Variants in TNFRSF11B observed in about 807,000 individuals in gnomAD.
TNFRSF11B encodes the protein TNF receptor superfamily member 11b.
Under a neutral mutation model 43.4 loss-of-function variants are expected in TNFRSF11B, and 16 were observed. The observed-to-expected ratio is 0.37, with a 90% CI of 0.25 to 0.56. The LOEUF (loss-of-function observed/expected upper bound fraction) is 0.56. Ranked by LOEUF, TNFRSF11B falls within the 20% of genes least tolerant of loss-of-function variation. The probability of loss-of-function intolerance (pLI) is 0.80; values close to 1 mark genes in which losing one functional copy is unlikely to be tolerated. For missense variants in TNFRSF11B, 444 were observed against 490.1 expected (o/e 0.91, Z 0.89); for synonymous variants, 185 against 181.8 (o/e 1.02, Z -0.14).
chr8:118,951,880 G>A lies in TNFRSF11B; in HGVS notation c.-59C>T. The stretch of plus-strand genomic sequence containing the variant: ...GGCGGCTGGGCGAGCGCTCCGGTGC[G>A]TCTCCGCAGCCCGTGCGCTCATCAC... On this transcript the variant is annotated 5_prime_UTR_variant, in exon 1 of 5. The change creates a new upstream start codon in the 5' untranslated region. Coordinates refer to ENST00000297350, the MANE Select transcript of TNFRSF11B (RefSeq NM_002546.4). 1.4e-6 allele frequency: 2 copies of A among 1,477,708 alleles called. No individual in the cohort carries two copies. The highest frequency in any genetic ancestry group is 1.9e-6 in the Non-Finnish European group (2 of 1,078,058). 91.5% of individuals were successfully genotyped at this position (1,477,708 alleles called of 1,614,324 possible). A position where few individuals can be genotyped will look rare whatever the true frequency, so the allele number is the denominator to read the frequency against.
At chr8:118,926,823 A>G in intron 3 of TNFRSF11B, 105 bp from the exon 4 acceptor site, 1 of 1,139,966 alleles carries the variant, frequency 8.8e-7, no homozygotes, top group Non-Finnish European at 1.3e-6. Context: ...GAATTTTCCA[A>G]GATAAAATAT....
chr8:118,928,996 C>G (rs1812288539), intron 2 of TNFRSF11B, 67 bp from the exon 3 acceptor site: 3 of 1,468,870 alleles, frequency 2.0e-6, no homozygotes, highest in Non-Finnish European at 2.9e-6. Flanking sequence ...GCCCTCTTAA[C>G]ACAGTTTTGG....
intron 2 of TNFRSF11B, among the ~76,000 whole-genome samples, chr8:118,931,043 T>A (rs1812321270): frequency 6.6e-6 from 1 of 152,226 alleles, no homozygotes; most frequent in Non-Finnish European, 1.5e-5. Flanking sequence ...GAAATTATAA[T>A]GATGGAGAAA....
rs531660121 is a variant in TNFRSF11B at position 118,933,136 on chromosome 8, G to A, written c.195C>T (p.Cys65=). The A allele has an allele frequency of 6.2e-6, 10 of 1,614,194 alleles. 1 individual carries two copies. The South Asian group carries it at 9.9e-5, about 16-fold the overall frequency. ...TAKWKTVCAP[C]PDHYYTDSWH... ...AGCTGTCTGTGTAGTAGTGGTCAGG[G>A]CAAGGGGCGCACACGGTCTTCCACT... The change falls in exon 2 of 5, where the codon TGC becomes TGT. Residue 65 remains cysteine, a synonymous_variant. Coordinates refer to ENST00000297350, the MANE Select transcript of TNFRSF11B (RefSeq NM_002546.4).
chr8:118,951,331 A>G (rs1453376592), intron 1 of TNFRSF11B, among the ~76,000 whole-genome samples: 4 of 152,236 alleles, frequency 2.6e-5, no homozygotes, highest in African/African-American at 4.8e-5. Context: ...CTATCATGTC[A>G]TATTCTAATT....
At chr8:118,931,392 T>G (rs1812326123) in intron 2 of TNFRSF11B, among the ~76,000 whole-genome samples, 1 of 152,218 alleles carries the variant, frequency 6.6e-6, no homozygotes, top group South Asian at 2.1e-4. Flanking sequence ...AAACAGATTT[T>G]CTTACTTATT....
Position 118,951,865 on chromosome 8 carries a change from C to A in TNFRSF11B, c.-44G>T, listed in dbSNP as rs980254741. 5 of 1,553,876 alleles carry A rather than the reference C, an allele frequency of 3.2e-6. No individual in the cohort carries two copies. The Admixed American group carries it at 9.4e-5, about 29-fold the overall frequency. On this transcript the variant is annotated 5_prime_UTR_variant, in exon 1 of 5. Transcript: ENST00000297350. ...CAGGGGCTTGGAGGCGGCGGCTGGGCGAGCGCTCCGGTGCGTCTCCGCAGC... is the reference window on the plus strand; with the variant it reads ...CAGGGGCTTGGAGGCGGCGGCTGGGAGAGCGCTCCGGTGCGTCTCCGCAGC...
chr8:118,934,889 C>T (rs180766392), intron 1 of TNFRSF11B, among the ~76,000 whole-genome samples: 61 of 152,226 alleles, frequency 4.0e-4, no homozygotes, highest in African/African-American at 1.4e-3. Flanking sequence ...AAAGAATGGC[C>T]TTTTTCATAA....
intron 3 of TNFRSF11B, among the ~76,000 whole-genome samples, chr8:118,928,298 A>G (rs916919544): frequency 2.0e-5 from 3 of 152,216 alleles, no homozygotes; most frequent in Admixed American, 6.5e-5. Flanking sequence ...TTGGGATTAT[A>G]GGAGTAAGCC....
intron 3 of TNFRSF11B, 79 bp from the exon 4 acceptor site, chr8:118,926,797 A>G (rs1167403717): frequency 7.8e-7 from 1 of 1,280,194 alleles, no homozygotes; most frequent in African/African-American, 1.5e-5. Context: ...AACAAAAACA[A>G]AAAACCAACA....
chr8:118,935,120 G>C (rs2129901121), intron 1 of TNFRSF11B, among the ~76,000 whole-genome samples: 1 of 152,294 alleles, frequency 6.6e-6, no homozygotes, highest in Non-Finnish European at 1.5e-5. Flanking sequence ...TGCAAGCTCA[G>C]AGCTGCTTCA....
Position 118,951,874 on chromosome 8 carries a change from C to T in TNFRSF11B, c.-53G>A, listed in dbSNP as rs934324275. On this transcript the variant is annotated 5_prime_UTR_variant, in exon 1 of 5. Transcript: ENST00000297350. ...GGAGGCGGCGGCTGGGCGAGCGCTCCGGTGCGTCTCCGCAGCCCGTGCGCT... is the reference window on the plus strand; with the variant it reads ...GGAGGCGGCGGCTGGGCGAGCGCTCTGGTGCGTCTCCGCAGCCCGTGCGCT... The T allele has an allele frequency of 2.1e-5, 32 of 1,515,246 alleles. No individual in the cohort carries two copies. Among genetic ancestry groups the T allele is most frequent in the Admixed American group, 9.5e-5 (5 of 52,674 alleles). 93.9% of individuals were successfully genotyped at this position (1,515,246 alleles called of 1,614,324 possible). A position where few individuals can be genotyped will look rare whatever the true frequency, so the allele number is the denominator to read the frequency against.
chr8:118,928,179 G>A (rs1025428725), intron 3 of TNFRSF11B, among the ~76,000 whole-genome samples: 2 of 152,014 alleles, frequency 1.3e-5, no homozygotes, highest in Non-Finnish European at 2.9e-5. Flanking sequence ...CTGCTACCAT[G>A]CCCAGCTAAT....
At chr8:118,944,441 A>T (rs1019462908) in intron 1 of TNFRSF11B, among the ~76,000 whole-genome samples, 1 of 152,036 alleles carries the variant, frequency 6.6e-6, no homozygotes, top group African/African-American at 2.4e-5. Flanking sequence ...AACTATTCAC[A>T]TTCTCCCCGA....
At chr8:118,944,872 C>T (rs1395974846) in intron 1 of TNFRSF11B, among the ~76,000 whole-genome samples, 1 of 152,106 alleles carries the variant, frequency 6.6e-6, no homozygotes, top group Non-Finnish European at 1.5e-5. Context: ...CTGCAAGTGA[C>T]CATAATTATA....
intron 1 of TNFRSF11B, among the ~76,000 whole-genome samples, chr8:118,934,623 G>T (rs1479293949): frequency 6.6e-6 from 1 of 152,182 alleles, no homozygotes; most frequent in Non-Finnish European, 1.5e-5. Context: ...CACTGAAGTA[G>T]TTCTTCACAC....
intron 1 of TNFRSF11B, among the ~76,000 whole-genome samples, chr8:118,944,155 A>G (rs1231480444): frequency 6.6e-6 from 1 of 152,162 alleles, no homozygotes; most frequent in East Asian, 1.9e-4. Context: ...ATGTCATGCC[A>G]ATAAACAACT....
chr8:118,924,538 C>A lies in TNFRSF11B; in HGVS notation c.1042G>T (p.Ala348Ser). The A allele has an allele frequency of 1.2e-6, 2 of 1,614,112 alleles. No individual in the cohort carries two copies. Among genetic ancestry groups the A allele is most frequent in the Non-Finnish European group, 1.7e-6 (2 of 1,180,024 alleles). The change falls in exon 5 of 5, where the codon GCA becomes TCA. Residue 348 changes from alanine (A) to serine (S), a missense_variant. Coordinates refer to ENST00000297350, the MANE Select transcript of TNFRSF11B (RefSeq NM_002546.4). ...TGGTACGTCTTTGAGTGCTTTAGTG[C>A]GTGCATTAGGCCCTTCAAGGTGTCT... is the stretch of plus-strand genomic sequence containing the variant. Reference protein sequence around the residue: ...DQDTLKGLMHALKHSKTYHFP... With the variant: ...DQDTLKGLMHSLKHSKTYHFP...
intron 1 of TNFRSF11B, among the ~76,000 whole-genome samples, chr8:118,941,126 G>A (rs1357577985): frequency 1.3e-5 from 2 of 152,150 alleles, no homozygotes; most frequent in African/African-American, 4.8e-5. Context: ...TTGCCTAAAG[G>A]AAGAGATTTT....
Sources: gnomAD v4.1 joint callset for allele counts (sites outside exome capture counted in the v4.1 genomes callset) on GRCh38, gnomAD v4.1.1 for gene constraint, MANE v1.5 for transcripts, NCBI Gene and HGNC (gene_info 2026-07-23, HGNC 2026-07-21) for gene names.